The following ASAP1 variants were observed in gnomAD, a reference collection of about 807,000 sequenced individuals.
The protein encoded by ASAP1 is ArfGAP with SH3 domain, ankyrin repeat and PH domain 1, also known as arf-GAP with SH3 domain, ANK repeat and PH domain-containing protein 1.
ASAP1 carries 43 observed loss-of-function variants against 145.2 expected under a neutral mutation model. That is an observed-to-expected ratio of 0.30 (90% CI 0.23 to 0.38). ASAP1 has a LOEUF of 0.38. ASAP1 is among the 10% of genes least tolerant of loss of function. The probability of loss-of-function intolerance (pLI) is 1.00; values close to 1 mark genes in which losing one functional copy is unlikely to be tolerated. For synonymous variants in ASAP1, 546 were observed against 515.5 expected, an observed-to-expected ratio of 1.06 and a Z score of -0.80; for missense variants, 1,018 against 1,355.3, an observed-to-expected ratio of 0.75 and a Z score of 3.91.
intron 3 of ASAP1, among the ~76,000 whole-genome samples, chr8:130,298,706 A>G (rs747251514): frequency 2.0e-5 from 3 of 152,060 alleles, no homozygotes; most frequent in Admixed American, 2.0e-4. Flanking sequence ...TACTTCCTCA[A>G]AAGTGGCAGG....
chr8:130,420,273 CACACACAA>C (rs1455527027), intron 1 of ASAP1, among the ~76,000 whole-genome samples: 1 of 137,006 alleles, frequency 7.3e-6, no homozygotes, highest in Non-Finnish European at 1.7e-5. Context: ...CACACACACA[CACACACAA>C]TAGCAATAAC....
At chr8:130,060,517 C>T in intron 28 of ASAP1, 62 bp downstream of exon 28, 1 of 1,525,482 alleles carries the variant, frequency 6.6e-7, no homozygotes, top group South Asian at 1.3e-5. Context: ...AGCACCTGCC[C>T]TCCCACCAAC....
intron 3 of ASAP1, among the ~76,000 whole-genome samples, chr8:130,292,932 T>C (rs1162117716): frequency 2.0e-5 from 3 of 152,202 alleles, no homozygotes; most frequent in Non-Finnish European, 4.4e-5. Flanking sequence ...AAAACTCGAA[T>C]GTACTATTAT....
intron 3 of ASAP1, among the ~76,000 whole-genome samples, chr8:130,324,856 C>T (rs1824227106): frequency 6.6e-6 from 1 of 152,190 alleles, no homozygotes; most frequent in African/African-American, 2.4e-5. Context: ...CCCTTGCATC[C>T]TCAGCTAGTG....
chr8:130,314,587 C>T (rs192181583), intron 3 of ASAP1, among the ~76,000 whole-genome samples: 1 of 152,324 alleles, frequency 6.6e-6, no homozygotes, highest in Admixed American at 6.5e-5. Flanking sequence ...CACAGATTGC[C>T]AGGCCTGTTC....
chr8:130,088,092 G>A (rs1292873922), intron 25 of ASAP1, among the ~76,000 whole-genome samples: 2 of 152,130 alleles, frequency 1.3e-5, no homozygotes, highest in Non-Finnish European at 2.9e-5. Flanking sequence ...TAGGAAAAAG[G>A]GTCTTTGTAA....
chr8:130,161,661 T>C (rs2097669510), intron 11 of ASAP1, among the ~76,000 whole-genome samples: 1 of 152,220 alleles, frequency 6.6e-6, no homozygotes, highest in South Asian at 2.1e-4. Context: ...GAATAATTTC[T>C]CTGTTTATAA....
intron 1 of ASAP1, among the ~76,000 whole-genome samples, chr8:130,422,069 G>C (rs967478570): frequency 6.6e-6 from 1 of 152,170 alleles, no homozygotes; most frequent in Admixed American, 6.5e-5. Flanking sequence ...ATTCTACCCA[G>C]AATCAGGCTG....
At chr8:130,352,718 G>C (rs537383658) in intron 3 of ASAP1, among the ~76,000 whole-genome samples, 1 of 152,340 alleles carries the variant, frequency 6.6e-6, no homozygotes, top group South Asian at 2.1e-4. Context: ...TGGAGCCATT[G>C]ATGATAGTAG....
chr8:130,327,355 G>C (rs1263901073), intron 3 of ASAP1, among the ~76,000 whole-genome samples: 1 of 152,152 alleles, frequency 6.6e-6, no homozygotes, highest in Non-Finnish European at 1.5e-5. Flanking sequence ...GCTCCAACTG[G>C]ACCTCAGTGT....
chr8:130,111,624 T>C (rs1417724290), intron 24 of ASAP1, among the ~76,000 whole-genome samples: 1 of 152,224 alleles, frequency 6.6e-6, no homozygotes, highest in Non-Finnish European at 1.5e-5. Context: ...ACTACCACTA[T>C]TATTACTAGC....
chr8:130,174,934 T>C (rs774602511), intron 9 of ASAP1, among the ~76,000 whole-genome samples: 7 of 152,258 alleles, frequency 4.6e-5, no homozygotes, highest in Admixed American at 1.3e-4. Context: ...GTTTTGTTTA[T>C]TGTAAATAAC....
intron 9 of ASAP1, among the ~76,000 whole-genome samples, chr8:130,169,886 C>T (rs1038182042): frequency 6.6e-6 from 1 of 152,198 alleles, no homozygotes; most frequent in African/African-American, 2.4e-5. Flanking sequence ...GATCCACGCT[C>T]TTTACCAGCA....
At chr8:130,225,035 T>TA (rs1817511653) in intron 4 of ASAP1, among the ~76,000 whole-genome samples, 1 of 152,228 alleles carries the variant, frequency 6.6e-6, no homozygotes, top group Non-Finnish European at 1.5e-5. Context: ...CACATGTGTA[T>TA]AAAAAACTGC....
intron 25 of ASAP1, among the ~76,000 whole-genome samples, chr8:130,085,485 A>G (rs2097490570): frequency 6.6e-6 from 1 of 152,218 alleles, no homozygotes. Flanking sequence ...CTGTAATCCC[A>G]GCACTTTGGG....
In ASAP1 at chr8:130,358,644, C is replaced by T. The variant is rs986807321; in HGVS notation, c.60-501G>A. Among the ~76,000 whole-genome samples the T allele has an allele frequency of 4.1e-5, 6 of 147,056 alleles. No homozygotes were observed. Among genetic ancestry groups the T allele is most frequent in the African/African-American group, 1.2e-4 (5 of 40,908 alleles). ...GGGCGGGCGGGCGGCGCTCGCGCTG[C>T]AGTCACGGGGCCAAACAAGGAAGTG... On this transcript the variant is annotated intron_variant, in intron 2 of 29. Coordinates refer to ENST00000518721, the MANE Select transcript of ASAP1 (RefSeq NM_018482.4). This position sits in a 1 kb window ranked among gnomAD's most constrained non-coding sequence, Gnocchi z 4.1.
chr8:130,400,072 G>A (rs1459519780), intron 2 of ASAP1, among the ~76,000 whole-genome samples: 3 of 152,004 alleles, frequency 2.0e-5, no homozygotes, highest in South Asian at 2.1e-4. Flanking sequence ...CGCCCACCTC[G>A]GCCTCCCAAA....
intron 25 of ASAP1, chr8:130,082,660 T>C (rs908762028): frequency 2.6e-5 from 4 of 150,970 alleles, no homozygotes; most frequent in Admixed American, 1.3e-4. Flanking sequence ...TGACCCACCA[T>C]GCCTGGTTAA....
At chr8:130,250,620 GGTTTT>G (rs1334730323) in intron 3 of ASAP1, among the ~76,000 whole-genome samples, 1 of 152,040 alleles carries the variant, frequency 6.6e-6, no homozygotes, top group Non-Finnish European at 1.5e-5. Flanking sequence ...GGTCATTGTG[GGTTTT>G]GTTTTGTTTT....
Sources: allele counts gnomAD v4.1 joint callset (sites outside exome capture counted in the v4.1 genomes callset), GRCh38; gene constraint gnomAD v4.1.1; non-coding constraint Gnocchi (gnomAD v3.1); transcripts MANE v1.5; gene names NCBI Gene and HGNC (gene_info 2026-07-23, HGNC 2026-07-21).